The following RAD51B variants were observed in gnomAD, a reference collection of about 807,000 sequenced individuals.
RAD51B encodes the protein RAD51 paralog B.
A neutral mutation model predicts 42.2 loss-of-function variants in RAD51B; 38 were observed. The observed-to-expected ratio is 0.90, with a 90% confidence interval of 0.70 to 1.18. RAD51B has a LOEUF of 1.18. Among genes scored for constraint, RAD51B ranks in the 50% most tolerant of loss-of-function variants. The pLI is 0.00. For synonymous variants in RAD51B, 154 were observed against 145.2 expected, an observed-to-expected ratio of 1.06 and a Z score of -0.43; for missense variants, 373 against 400.7, an observed-to-expected ratio of 0.93 and a Z score of 0.59.
chr14:68,549,684 G>T lies in RAD51B; in HGVS notation c.1037-44801G>T, dbSNP rs1045842303. ...CCGTCTCGGCCTCCCAAAGTGCTGG[G>T]ATTACAGGCGTGAGCCACCGCGCCC... On this transcript the variant is annotated intron_variant, in intron 10 of 10. Transcript: ENST00000487270. Among the ~76,000 whole-genome samples, 8 of 150,882 alleles carry T rather than the reference G, an allele frequency of 5.3e-5. No homozygotes were observed. In the East Asian group the frequency reaches 7.9e-4, roughly 15 times the overall value.
intron 7 of RAD51B, among the ~76,000 whole-genome samples, chr14:68,102,163 A>G (rs1014205814): frequency 6.6e-6 from 1 of 152,192 alleles, no homozygotes; most frequent in Non-Finnish European, 1.5e-5. Flanking sequence ...GGCTTGGTCC[A>G]CAAAACCATT....
At chr14:67,857,207 A>T (rs1371862193) in intron 4 of RAD51B, among the ~76,000 whole-genome samples, 2 of 152,168 alleles carry the variant, frequency 1.3e-5, no homozygotes, top group Non-Finnish European at 2.9e-5. Context: ...ATATGGTATA[A>T]TTTTTTTGAG....
At chr14:67,982,380 A>T (rs2075111138) in intron 7 of RAD51B, among the ~76,000 whole-genome samples, 1 of 152,216 alleles carries the variant, frequency 6.6e-6, no homozygotes, top group Non-Finnish European at 1.5e-5. Context: ...CTAGCATATT[A>T]TAAGTATAAT....
intron 4 of RAD51B, among the ~76,000 whole-genome samples, chr14:67,856,845 T>G (rs1486112696): frequency 1.8e-5 from 1 of 54,286 alleles, no homozygotes; most frequent in Non-Finnish European, 4.0e-5. Flanking sequence ...ACTACTGACT[T>G]TTTTTTTTTT....
At chr14:67,860,665 G>T (rs2042135146) in intron 4 of RAD51B, among the ~76,000 whole-genome samples, 1 of 151,942 alleles carries the variant, frequency 6.6e-6, no homozygotes, top group South Asian at 2.1e-4. Context: ...AAGATGGATT[G>T]GTGAATGGAT....
At chr14:68,043,812 C>A (rs1043071780) in intron 7 of RAD51B, among the ~76,000 whole-genome samples, 1 of 152,176 alleles carries the variant, frequency 6.6e-6, no homozygotes, top group Non-Finnish European at 1.5e-5. Context: ...TAAGTGAGAT[C>A]TTGGGTTTGA....
chr14:68,483,442 A>G (rs891006140), intron 10 of RAD51B, among the ~76,000 whole-genome samples: 3 of 152,218 alleles, frequency 2.0e-5, no homozygotes, highest in African/African-American at 7.2e-5. Context: ...AACTCTGGGT[A>G]CTTTTCCCCT....
chr14:68,048,997 G>T, intron 7 of RAD51B, among the ~76,000 whole-genome samples: 1 of 152,158 alleles, frequency 6.6e-6, no homozygotes, highest in East Asian at 1.9e-4. Context: ...AGAAAATGTG[G>T]CACATTTACA....
intron 5 of RAD51B, among the ~76,000 whole-genome samples, chr14:67,873,252 A>C (rs1404298491): frequency 6.6e-6 from 1 of 152,076 alleles, no homozygotes; most frequent in Admixed American, 6.5e-5. Flanking sequence ...GAAAAAAACA[A>C]ACAACCCCAT....
intron 7 of RAD51B, among the ~76,000 whole-genome samples, chr14:67,941,121 A>G (rs963197854): frequency 1.3e-5 from 2 of 152,162 alleles, no homozygotes; most frequent in African/African-American, 2.4e-5. Flanking sequence ...GTATTTTTGC[A>G]TTTTATACAT....
chr14:67,940,056 T>TATATATATATATA (rs1566969343), intron 7 of RAD51B, among the ~76,000 whole-genome samples: 3 of 8,664 alleles, frequency 3.5e-4, no homozygotes, highest in Non-Finnish European at 5.7e-4. Flanking sequence ...ATATATATAT[T>TATATATATATATA]TTTTTTTTTT....
chr14:68,387,274 C>A lies in RAD51B; in HGVS notation c.854-24150C>A, dbSNP rs556371643. 12 of 152,270 alleles carry A rather than the reference C, an allele frequency of 7.9e-5. No homozygotes were observed. The highest frequency in any genetic ancestry group is 3.9e-4 in the Admixed American group (6 of 15,296). 9.4% of individuals were successfully genotyped at this position (152,270 alleles called of 1,614,324 possible). A position where few individuals can be genotyped will look rare whatever the true frequency, so the allele number is the denominator to read the frequency against. ...GATAGTATCCAGGTAACTTGTAGCG[C>A]CTGCATCTTATTAAACTCCTGTTTG... On this transcript the variant is annotated intron_variant, in intron 8 of 10. Coordinates refer to ENST00000471583, the MANE Select transcript of RAD51B (RefSeq NM_133510.4).
chr14:68,162,856 A>C (rs2078671474), intron 7 of RAD51B, among the ~76,000 whole-genome samples: 1 of 152,234 alleles, frequency 6.6e-6, no homozygotes, highest in Non-Finnish European at 1.5e-5. Flanking sequence ...TTTGGATGAT[A>C]ATAAGGGATT....
At chr14:67,947,921 C>G (rs562823013) in intron 7 of RAD51B, among the ~76,000 whole-genome samples, 1 of 152,168 alleles carries the variant, frequency 6.6e-6, no homozygotes, top group African/African-American at 2.4e-5. Context: ...TTTACATAGC[C>G]CATTTATCTT....
intron 7 of RAD51B, among the ~76,000 whole-genome samples, chr14:68,128,529 A>G (rs2077820029): frequency 6.6e-6 from 1 of 152,158 alleles, no homozygotes; most frequent in East Asian, 1.9e-4. Context: ...CATCTCTACC[A>G]GAAAATACAA....
intron 10 of RAD51B, among the ~76,000 whole-genome samples, chr14:68,486,601 G>A (rs982290070): frequency 6.6e-6 from 1 of 152,184 alleles, no homozygotes; most frequent in Non-Finnish European, 1.5e-5. Context: ...AGAACACCTG[G>A]TGAAAAGCCG....
chr14:67,941,476 G>C (rs1236743883), intron 7 of RAD51B, among the ~76,000 whole-genome samples: 4 of 152,118 alleles, frequency 2.6e-5, no homozygotes, highest in African/African-American at 9.7e-5. Context: ...TTTTGCATGG[G>C]GTAAAATAGG....
intron 7 of RAD51B, among the ~76,000 whole-genome samples, chr14:67,921,530 C>G (rs2044321147): frequency 6.7e-6 from 1 of 149,322 alleles, no homozygotes; most frequent in African/African-American, 2.5e-5. Context: ...AAGGACATAA[C>G]CCACAAATTT....
intron 10 of RAD51B, among the ~76,000 whole-genome samples, chr14:68,545,282 G>A (rs927823007): frequency 6.6e-6 from 1 of 152,268 alleles, no homozygotes; most frequent in Non-Finnish European, 1.5e-5. Context: ...GCAAAGAGGT[G>A]TATGCCTCTG....
Sources: allele counts gnomAD v4.1 joint callset (sites outside exome capture counted in the v4.1 genomes callset), GRCh38; gene constraint gnomAD v4.1.1; transcripts MANE v1.5; gene names NCBI Gene and HGNC (gene_info 2026-07-23, HGNC 2026-07-21).